The following TRABD2B variants were observed in gnomAD, a reference collection of about 807,000 sequenced individuals.
The protein encoded by TRABD2B is metalloprotease TIKI2.
TRABD2B carries 14 observed loss-of-function variants against 40.1 expected under a neutral mutation model. That is an observed-to-expected ratio of 0.35 (90% CI 0.23 to 0.55). TRABD2B has a LOEUF of 0.55. Ranked by LOEUF, TRABD2B falls within the 20% of genes least tolerant of loss-of-function variation. TRABD2B has a pLI of 0.90. For synonymous variants in TRABD2B, 263 were observed against 277.0 expected, an observed-to-expected ratio of 0.95 and a Z score of 0.50; for missense variants, 541 against 648.6, an observed-to-expected ratio of 0.83 and a Z score of 1.80.
Position 47,867,169 on chromosome 1 carries a change from T to C in TRABD2B, c.667-65550A>G, listed in dbSNP as rs530552942. ...ACATCTGCTTACACATGAGAAAACA[T>C]GGACTTTAGCCAAGAGGGAAGGCAA... On this transcript the variant is annotated intron_variant, in intron 2 of 6. Transcript: ENST00000606738. Among the ~76,000 whole-genome samples the C allele has an allele frequency of 3.9e-4, 59 of 152,332 alleles. No homozygotes were observed. The South Asian group carries it at 5.6e-3, about 14-fold the overall frequency.
chr1:47,850,004 A>G (rs1645525861), intron 2 of TRABD2B, among the ~76,000 whole-genome samples: 2 of 152,246 alleles, frequency 1.3e-5, no homozygotes, highest in South Asian at 4.1e-4. Flanking sequence ...AAACCAAGGC[A>G]TGCACCCCAG....
At chr1:47,865,810 T>G (rs61433973) in intron 2 of TRABD2B, among the ~76,000 whole-genome samples, 5,496 of 152,128 alleles carry the variant, frequency 0.036, 320 homozygotes, top group African/African-American at 0.13. Context: ...TGCAGACAAG[T>G]GAGAGTGGCA....
intron 2 of TRABD2B, among the ~76,000 whole-genome samples, chr1:47,948,411 G>A (rs1006686097): frequency 1.3e-5 from 2 of 152,154 alleles, no homozygotes; most frequent in Non-Finnish European, 2.9e-5. Context: ...TAGAGCACCT[G>A]GTGGTAAACA....
chr1:47,777,779 C>A (rs1305249513), intron 5 of TRABD2B, among the ~76,000 whole-genome samples: 2 of 152,120 alleles, frequency 1.3e-5, no homozygotes, highest in African/African-American at 4.8e-5. Context: ...TGGGGCTCCC[C>A]GGGACTCAGA....
intron 2 of TRABD2B, among the ~76,000 whole-genome samples, chr1:47,891,544 C>T (rs1644445317): frequency 6.6e-6 from 1 of 152,094 alleles, no homozygotes; most frequent in African/African-American, 2.4e-5. Context: ...TGCCTGTAAC[C>T]CCAGCACTTT....
intron 2 of TRABD2B, among the ~76,000 whole-genome samples, chr1:47,823,213 G>T (rs909897604): frequency 3.9e-5 from 6 of 152,278 alleles, no homozygotes; most frequent in Non-Finnish European, 7.3e-5. Context: ...GCTGCATGGG[G>T]GAGGCAGACG....
intron 3 of TRABD2B, among the ~76,000 whole-genome samples, chr1:47,796,242 G>A (rs1435117412): frequency 6.6e-6 from 1 of 152,168 alleles, no homozygotes; most frequent in Non-Finnish European, 1.5e-5. Context: ...CTCACAACCT[G>A]TCAGTGTCAT....
chr1:47,977,288 G>A (rs1241044726), intron 2 of TRABD2B, among the ~76,000 whole-genome samples: 1 of 152,090 alleles, frequency 6.6e-6, no homozygotes, highest in Non-Finnish European at 1.5e-5. Context: ...TGGCCAGGAT[G>A]GTCTTGAACT....
At chr1:47,877,391 G>A (rs1644240759) in intron 2 of TRABD2B, among the ~76,000 whole-genome samples, 1 of 152,110 alleles carries the variant, frequency 6.6e-6, no homozygotes, top group Non-Finnish European at 1.5e-5. Context: ...AGCTTCAAAT[G>A]GCAAAGGCTT....
At chr1:47,900,185 G>A (rs559844054) in intron 2 of TRABD2B, among the ~76,000 whole-genome samples, 2 of 152,264 alleles carry the variant, frequency 1.3e-5, no homozygotes, top group East Asian at 1.9e-4. Context: ...TCAGAAGAGG[G>A]TGCTGTTGGC....
intron 2 of TRABD2B, among the ~76,000 whole-genome samples, chr1:47,942,935 T>C (rs1645207048): frequency 6.6e-6 from 1 of 152,220 alleles, no homozygotes; most frequent in African/African-American, 2.4e-5. Context: ...TTTCTAAGTA[T>C]TTTAGTTGTT....
At chr1:47,837,748 A>G (rs1280144223) in intron 2 of TRABD2B, among the ~76,000 whole-genome samples, 11 of 152,204 alleles carry the variant, frequency 7.2e-5, no homozygotes, top group Admixed American at 6.5e-4. Context: ...AGGTTTGCAC[A>G]GCGGTGCAAA....
At chr1:47,909,483 A>G (rs1325444506) in intron 2 of TRABD2B, among the ~76,000 whole-genome samples, 1 of 84,284 alleles carries the variant, frequency 1.2e-5, no homozygotes, top group African/African-American at 4.1e-5. Context: ...GGAGAAGGAG[A>G]AGGAGAAGGA....
chr1:47,855,384 G>A (rs1643880638), intron 2 of TRABD2B, among the ~76,000 whole-genome samples: 3 of 152,208 alleles, frequency 2.0e-5, no homozygotes, highest in African/African-American at 7.2e-5. Context: ...AGGCTGGAGT[G>A]TATCCTTGTC....
At chr1:47,842,714 G>C (rs999518899) in intron 2 of TRABD2B, among the ~76,000 whole-genome samples, 1 of 152,186 alleles carries the variant, frequency 6.6e-6, no homozygotes, top group African/African-American at 2.4e-5. Flanking sequence ...CATTCCTATG[G>C]ATGCGTCTGC....
intron 2 of TRABD2B, among the ~76,000 whole-genome samples, chr1:47,880,537 A>G (rs1644288303): frequency 6.6e-6 from 1 of 152,234 alleles, no homozygotes; most frequent in African/African-American, 2.4e-5. Context: ...ATACCAGGTC[A>G]AAACAGGGGC....
rs138010586 is a variant in TRABD2B at position 47,993,507 on chromosome 1, C to T, written c.666+527G>A. Among the ~76,000 whole-genome samples the T allele has an allele frequency of 3.3e-5, 5 of 152,314 alleles. No homozygotes were observed. The East Asian group carries it at 9.7e-4, about 29-fold the overall frequency. ...GGTCCGAGGGTCACCTAGAGCTTTGCACAGAGCCGGGAAACTGATGGTGCT... is the reference window on the plus strand; with the variant it reads ...GGTCCGAGGGTCACCTAGAGCTTTGTACAGAGCCGGGAAACTGATGGTGCT... On this transcript the variant is annotated intron_variant, in intron 2 of 6. Transcript: ENST00000606738.
intron 2 of TRABD2B, among the ~76,000 whole-genome samples, chr1:47,899,882 T>C (rs1644576104): frequency 6.6e-6 from 1 of 152,130 alleles, no homozygotes; most frequent in Admixed American, 6.5e-5. Context: ...TTTGCCCCAG[T>C]TGCAGAGCCT....
intron 2 of TRABD2B, among the ~76,000 whole-genome samples, chr1:47,816,646 C>A (rs1170422475): frequency 1.3e-5 from 2 of 152,164 alleles, no homozygotes; most frequent in African/African-American, 4.8e-5. Flanking sequence ...CTTCCCTGAT[C>A]CCCCAGATCC....
Sources: gnomAD v4.1 joint callset for allele counts (sites outside exome capture counted in the v4.1 genomes callset) on GRCh38, gnomAD v4.1.1 for gene constraint, MANE v1.5 for transcripts, NCBI Gene and HGNC (gene_info 2026-07-23, HGNC 2026-07-21) for gene names.